ARMC3: variants seen among roughly 807,000 people sequenced by gnomAD.
The protein encoded by ARMC3 is armadillo repeat-containing protein 3.
Under a neutral mutation model 90.3 loss-of-function variants are expected in ARMC3, and 74 were observed. That is an observed-to-expected ratio of 0.82 (90% CI 0.68 to 0.99). The LOEUF (loss-of-function observed/expected upper bound fraction) is 0.99, where lower values mean the gene tolerates loss of function less well. ARMC3 is among the 50% of genes least tolerant of loss of function. The probability of loss-of-function intolerance (pLI) is 0.00; values close to 1 mark genes in which losing one functional copy is unlikely to be tolerated. For synonymous variants in ARMC3, 334 were observed against 361.8 expected (o/e 0.92, Z 0.87); for missense variants, 958 against 1,042.8 (o/e 0.92, Z 1.12).
In ARMC3 at chr10:22,977,117, G is replaced by C. The variant is rs145983169; in HGVS notation, c.917-4223G>C. 4.5e-3 allele frequency among the ~76,000 whole-genome samples: 688 copies of C among 152,252 alleles called. 3 individuals carry two copies. Among genetic ancestry groups the C allele is most frequent in the African/African-American group, 0.016 (652 of 41,554 alleles). ...GGGCCTTTTGTCTGGATTCTGGTTTGGGAAATGCTGTTTTGATCTATTGGT... is the reference window on the plus strand; with the variant it reads ...GGGCCTTTTGTCTGGATTCTGGTTTCGGAAATGCTGTTTTGATCTATTGGT... On this transcript the variant is annotated intron_variant, in intron 8 of 18. Coordinates refer to ENST00000298032, the MANE Select transcript of ARMC3 (RefSeq NM_173081.5).
intron 16 of ARMC3, chr10:23,014,600 C>G: frequency 1.6e-6 from 1 of 635,866 alleles, no homozygotes; most frequent in African/African-American, 2.0e-5. Flanking sequence ...TACATATACA[C>G]CACGGAATAT....
At chr10:22,988,821 T>G (rs1240431491) in intron 10 of ARMC3, among the ~76,000 whole-genome samples, 1 of 152,216 alleles carries the variant, frequency 6.6e-6, no homozygotes, top group Non-Finnish European at 1.5e-5. Flanking sequence ...CTTACATAAG[T>G]AATCCTGTCA....
At chr10:22,937,950 C>T (rs139627272) in intron 2 of ARMC3, among the ~76,000 whole-genome samples, 352 of 152,252 alleles carry the variant, frequency 2.3e-3, no homozygotes, top group Non-Finnish European at 3.7e-3. Context: ...CCTCCACATC[C>T]TGGGCATAAA....
At position 23,037,636 on chromosome 10, in the gene ARMC3, C is replaced by G; in HGVS notation, c.*157C>G. 1 of 695,098 alleles carries G rather than the reference C, an allele frequency of 1.4e-6. No homozygotes were observed. The highest frequency in any genetic ancestry group is 3.2e-5 in the South Asian group (1 of 31,052). The allele number at this position is 695,098 out of a possible 1,614,324, so 43.1% of individuals were successfully genotyped here. A position where few individuals can be genotyped will look rare whatever the true frequency, so the allele number is the denominator to read the frequency against. Reference sequence around the variant, plus strand: ...TAGAAATTAGGAAGCTTGGAGTGAACTTTGCTGTGCTTCTGATTTCAGGCT... The same window carrying G: ...TAGAAATTAGGAAGCTTGGAGTGAAGTTTGCTGTGCTTCTGATTTCAGGCT... On this transcript the variant is annotated 3_prime_UTR_variant, in exon 19 of 19. Coordinates refer to ENST00000298032, the MANE Select transcript of ARMC3 (RefSeq NM_173081.5).
At chr10:22,994,173 A>T (rs1369833885) in intron 10 of ARMC3, among the ~76,000 whole-genome samples, 1 of 152,224 alleles carries the variant, frequency 6.6e-6, no homozygotes, top group East Asian at 1.9e-4. Context: ...AGGAAAAGAC[A>T]TTTGTGCTGA....
intron 10 of ARMC3, among the ~76,000 whole-genome samples, chr10:22,990,103 C>G (rs545439471): frequency 9.2e-5 from 14 of 152,318 alleles, no homozygotes; most frequent in African/African-American, 2.6e-4. Context: ...TGCTAGTACT[C>G]TCTTTCAGGT....
chr10:22,942,120 C>G (rs540911129), intron 2 of ARMC3, among the ~76,000 whole-genome samples: 1 of 152,206 alleles, frequency 6.6e-6, no homozygotes, highest in African/African-American at 2.4e-5. Flanking sequence ...ATCTAAGCAA[C>G]TTAAGAGGGG....
At chr10:23,012,865 G>C (rs2131504673) in intron 16 of ARMC3, among the ~76,000 whole-genome samples, 1 of 148,576 alleles carries the variant, frequency 6.7e-6, no homozygotes, top group South Asian at 2.1e-4. Context: ...CCATGCATGT[G>C]CCCCCAGAGG....
intron 2 of ARMC3, among the ~76,000 whole-genome samples, chr10:22,936,380 C>T (rs1454914175): frequency 1.3e-5 from 2 of 152,136 alleles, no homozygotes; most frequent in Non-Finnish European, 2.9e-5. Context: ...CCTGTGACTA[C>T]CATATTGGAT....
intron 7 of ARMC3, among the ~76,000 whole-genome samples, chr10:22,963,918 CACACAAAAAAAAAAAA>C (rs1391950473): frequency 1.2e-4 from 6 of 51,754 alleles, no homozygotes; most frequent in Admixed American, 2.3e-4. Context: ...CACACACACA[CACACAAAAAAAAAAAA>C]AAAAAAAAAA....
In ARMC3 at chr10:23,033,032, G is replaced by A. The variant is rs920176435; in HGVS notation, c.2409+9G>A. ...GAGCTTTGCTTTTCAAGGTGTGTAA[G>A]GTATTTTGCCTCATTTGCCATTAAG... On this transcript the variant is annotated intron_variant, in intron 18 of 18. Coordinates refer to ENST00000298032, the MANE Select transcript of ARMC3 (RefSeq NM_173081.5). 3 of 1,610,456 alleles carry A rather than the reference G, an allele frequency of 1.9e-6. No homozygotes were observed. The highest frequency in any genetic ancestry group is 2.5e-6 in the Non-Finnish European group (3 of 1,178,552).
chr10:22,985,571 G>A (rs1457596064), intron 10 of ARMC3, among the ~76,000 whole-genome samples: 1 of 152,118 alleles, frequency 6.6e-6, no homozygotes, highest in African/African-American at 2.4e-5. Flanking sequence ...AAGCCATACA[G>A]GAGGGCCTGA....
At chr10:23,022,512 G>T (rs1464219985) in intron 16 of ARMC3, among the ~76,000 whole-genome samples, 1 of 152,186 alleles carries the variant, frequency 6.6e-6, no homozygotes, top group African/African-American at 2.4e-5. Flanking sequence ...AAACACAGCA[G>T]CAGGGCATCT....
At chr10:23,002,609 C>CTT (rs776143888) in intron 12 of ARMC3, among the ~76,000 whole-genome samples, 7,714 of 139,414 alleles carry the variant, frequency 0.055, 246 homozygotes, top group African/African-American at 0.069. Context: ...TTTTTTCTTT[C>CTT]TTTTTTTTTT....
At chr10:22,986,568 A>C (rs5025946) in intron 10 of ARMC3, among the ~76,000 whole-genome samples, 50,150 of 148,002 alleles carry the variant, frequency 0.34, 8,850 homozygotes, top group East Asian at 0.47. Flanking sequence ...AAAAACAAAA[A>C]AAAAAAAAAC....
At chr10:22,997,622 G>A (rs765717806) in intron 10 of ARMC3, among the ~76,000 whole-genome samples, 1 of 152,184 alleles carries the variant, frequency 6.6e-6, no homozygotes, top group Non-Finnish European at 1.5e-5. Context: ...CTAATTTGAA[G>A]AAGAGGAAGA....
intron 8 of ARMC3, among the ~76,000 whole-genome samples, chr10:22,978,830 A>C (rs1259894922): frequency 6.6e-6 from 1 of 152,148 alleles, no homozygotes; most frequent in Non-Finnish European, 1.5e-5. Context: ...CAATTTATAC[A>C]CTTATTTTTA....
intron 16 of ARMC3, among the ~76,000 whole-genome samples, chr10:23,021,989 A>C (rs1838531433): frequency 6.6e-6 from 1 of 151,864 alleles, no homozygotes; most frequent in South Asian, 2.1e-4. Flanking sequence ...AATTTGTCAA[A>C]ATTTTCTTTT....
At chr10:22,961,619 G>T in intron 6 of ARMC3, 1 of 327,240 alleles carries the variant, frequency 3.1e-6, no homozygotes, top group Non-Finnish European at 5.5e-6. Context: ...TGTTTAATCA[G>T]GATTTGCTGT....
Sources: gnomAD v4.1 joint callset for allele counts (sites outside exome capture counted in the v4.1 genomes callset) on GRCh38, gnomAD v4.1.1 for gene constraint, MANE v1.5 for transcripts, NCBI Gene and HGNC (gene_info 2026-07-23, HGNC 2026-07-21) for gene names.